The following SCAF11 variants were observed in gnomAD, a reference collection of about 807,000 sequenced individuals.
The protein encoded by SCAF11 is SR-related CTD associated factor 11, also known as protein SCAF11.
Under a neutral mutation model 140.5 loss-of-function variants are expected in SCAF11, and 47 were observed. The ratio of observed to expected loss-of-function variants is 0.33; its 90% CI spans 0.26 to 0.43. SCAF11 has a LOEUF of 0.43. Among genes scored for constraint, SCAF11 ranks in the 20% least tolerant of loss-of-function variants. SCAF11 has a pLI of 1.00. For synonymous variants in SCAF11, 557 were observed against 579.4 expected, an observed-to-expected ratio of 0.96 and a Z score of 0.55; for missense variants, 1,645 against 1,705.1, an observed-to-expected ratio of 0.96 and a Z score of 0.62.
intron 10 of SCAF11, among the ~76,000 whole-genome samples, chr12:45,930,346 A>C (rs913293310): frequency 6.6e-6 from 1 of 152,216 alleles, no homozygotes; most frequent in African/African-American, 2.4e-5. Context: ...ATATGCATGC[A>C]CTGCAAGAGA....
In SCAF11 at chr12:45,921,993, G is replaced by C; in HGVS notation, c.*55C>G. 1 of 1,556,366 alleles carries C rather than the reference G, an allele frequency of 6.4e-7. No individual in the cohort carries two copies. The highest frequency in any genetic ancestry group is 8.7e-7 in the Non-Finnish European group (1 of 1,155,004). ...GTATGATTTTCAGTTAATGGTACATGTTGAAATTGCACTTTGCAGATATCC... is the reference window on the plus strand; with the variant it reads ...GTATGATTTTCAGTTAATGGTACATCTTGAAATTGCACTTTGCAGATATCC... On this transcript the variant is annotated 3_prime_UTR_variant, in exon 15 of 15. Transcript: ENST00000369367.
At chr12:45,983,136 C>T (rs987244623) in intron 1 of SCAF11, among the ~76,000 whole-genome samples, 2 of 152,174 alleles carry the variant, frequency 1.3e-5, no homozygotes, top group African/African-American at 4.8e-5. Flanking sequence ...CTTAGGTGGA[C>T]TTCAAGTCTA....
At chr12:45,942,438 A>G (rs1242488185) in intron 6 of SCAF11, among the ~76,000 whole-genome samples, 1 of 152,196 alleles carries the variant, frequency 6.6e-6, no homozygotes, top group South Asian at 2.1e-4. Context: ...TCTTCCCTTC[A>G]CAGCCAGAGT....
At chr12:45,961,122 T>A (rs1021293901) in intron 3 of SCAF11, 4 of 539,004 alleles carry the variant, frequency 7.4e-6, no homozygotes, top group Non-Finnish European at 1.3e-5. Context: ...CTGAAATTAG[T>A]CCACACTAAA....
intron 6 of SCAF11, among the ~76,000 whole-genome samples, chr12:45,939,302 T>C (rs1402046796): frequency 2.6e-5 from 4 of 152,136 alleles, no homozygotes; most frequent in African/African-American, 7.2e-5. Flanking sequence ...ACAAACTCTA[T>C]TCATTAGTTT....
At chr12:45,929,148 ATT>A (rs780794291) in intron 10 of SCAF11, 103 of 155,550 alleles carry the variant, frequency 6.6e-4, no homozygotes, top group Middle Eastern at 3.0e-3. Context: ...TACTTGCTTA[ATT>A]TTTTTTTTTT....
chr12:45,944,111 C>T (rs918505273), intron 6 of SCAF11, among the ~76,000 whole-genome samples: 3 of 151,988 alleles, frequency 2.0e-5, no homozygotes, highest in African/African-American at 7.3e-5. Flanking sequence ...GGCCAAATTA[C>T]CTAGAAAAAA....
chr12:45,944,370 T>C lies in SCAF11; in HGVS notation c.463+879A>G, dbSNP rs1409978130. Among the ~76,000 whole-genome samples, 5 of 152,224 alleles carry C rather than the reference T, an allele frequency of 3.3e-5. No homozygotes were observed. The East Asian group carries it at 7.7e-4, about 23-fold the overall frequency. ...TTCAAAGGCAGAACGTTTGTTAATC[T>C]GTAAATCTAACCTGAGGGATCATAT... On this transcript the variant is annotated intron_variant, in intron 6 of 14. Coordinates refer to ENST00000369367, the MANE Select transcript of SCAF11 (RefSeq NM_004719.3).
intron 3 of SCAF11, among the ~76,000 whole-genome samples, chr12:45,953,195 C>A (rs1945591232): frequency 6.6e-6 from 1 of 152,160 alleles, no homozygotes; most frequent in African/African-American, 2.4e-5. Flanking sequence ...ATTACTTTCC[C>A]TATAGAAAAC....
intron 3 of SCAF11, chr12:45,955,476 C>T (rs144553348): frequency 4.2e-4 from 64 of 152,382 alleles, no homozygotes; most frequent in African/African-American, 1.5e-3. Flanking sequence ...TAAGGAACTC[C>T]CAAGGATGCC....
intron 6 of SCAF11, among the ~76,000 whole-genome samples, chr12:45,935,796 T>C (rs1267600275): frequency 6.6e-6 from 1 of 152,248 alleles, no homozygotes; most frequent in South Asian, 2.1e-4. Context: ...CACATATTTC[T>C]GGGTAATTCT....
intron 1 of SCAF11, among the ~76,000 whole-genome samples, chr12:45,976,524 C>T (rs1022459102): frequency 4.6e-5 from 7 of 152,044 alleles, no homozygotes; most frequent in African/African-American, 1.7e-4. Context: ...TGAAATATAT[C>T]CCACATGGAA....
intron 1 of SCAF11, among the ~76,000 whole-genome samples, chr12:45,973,650 TTTC>T (rs1477507734): frequency 1.3e-5 from 2 of 152,116 alleles, no homozygotes. Flanking sequence ...TCACCGGTGA[TTTC>T]TTATCAGAAA....
rs181675504 is a variant in SCAF11 at position 45,927,699 on chromosome 12, G to C, written c.2002C>G (p.Leu668Val). ...NNIQDSENNL[L>V]KNNLLNTKLE... is the part of the protein sequence containing the mutation. ...TTGGTGTTCAGAAGATTATTTTTTA[G>C]TAAGTTATTTTCAGAGTCTTGAATA... Residue 668 changes from leucine to valine, a missense_variant, in exon 11 of 15, where the codon CTA becomes GTA. Leu to Val is a conservative substitution (Grantham distance 32). This residue lies in a region of SCAF11 where 1,582 missense variants were observed against 1,609.2 expected (regional missense o/e 0.98). Coordinates refer to ENST00000369367, the MANE Select transcript of SCAF11 (RefSeq NM_004719.3). 1.0e-3 allele frequency: 1,615 copies of C among 1,611,848 alleles called. 16 individuals are homozygous for C. In the Middle Eastern group the frequency reaches 0.011, roughly 11 times the overall value.
intron 6 of SCAF11, 44 bp downstream of exon 6, chr12:45,945,205 A>G: frequency 2.5e-6 from 3 of 1,183,448 alleles, no homozygotes; most frequent in Non-Finnish European, 3.7e-6. Context: ...AAATTAAAAA[A>G]CAACAAAAAA....
chr12:45,983,664 A>T (rs1044325779), intron 1 of SCAF11, among the ~76,000 whole-genome samples: 1 of 151,614 alleles, frequency 6.6e-6, no homozygotes, highest in African/African-American at 2.4e-5. Context: ...TACTGATTAG[A>T]TCACCTATAA....
chr12:45,988,284 T>C (rs1946508161), intron 1 of SCAF11, among the ~76,000 whole-genome samples: 1 of 152,230 alleles, frequency 6.6e-6, no homozygotes, highest in Non-Finnish European at 1.5e-5. Flanking sequence ...ATTACTTTTA[T>C]GCCTGCTACT....
At chr12:45,922,238 G>T in intron 14 of SCAF11, 44 bp from the exon 15 acceptor site, 1 of 1,559,450 alleles carries the variant, frequency 6.4e-7, no homozygotes, top group Non-Finnish European at 8.6e-7. Context: ...CATGCTTAAA[G>T]GGATTAAAGC....
At chr12:45,969,863 A>G (rs943602393) in intron 1 of SCAF11, among the ~76,000 whole-genome samples, 9 of 152,092 alleles carry the variant, frequency 5.9e-5, no homozygotes, top group African/African-American at 2.2e-4. Context: ...CAGCCTCTCA[A>G]GTAGCTAGGA....
Sources: allele counts gnomAD v4.1 joint callset (sites outside exome capture counted in the v4.1 genomes callset), GRCh38; gene constraint gnomAD v4.1.1; regional missense constraint gnomAD v4.1.1; transcripts MANE v1.5; gene names NCBI Gene and HGNC (gene_info 2026-07-23, HGNC 2026-07-21).